Variants in C1QTNF6 observed in about 807,000 individuals in gnomAD.
C1QTNF6 encodes complement C1q tumor necrosis factor-related protein 6.
C1QTNF6 carries 17 observed loss-of-function variants against 20.7 expected under a neutral mutation model. The ratio of observed to expected loss-of-function variants is 0.82; its 90% CI spans 0.56 to 1.23. The LOEUF is 1.23. Ranked by LOEUF, C1QTNF6 falls within the 50% of genes most tolerant of loss-of-function variation. The pLI is 0.00. For synonymous variants in C1QTNF6, 130 were observed against 156.3 expected, an observed-to-expected ratio of 0.83 and a Z score of 1.25; for missense variants, 329 against 389.7, an observed-to-expected ratio of 0.84 and a Z score of 1.31.
intron 1 of C1QTNF6, among the ~76,000 whole-genome samples, chr22:37,187,573 T>A (rs1220545963): frequency 1.4e-5 from 2 of 147,278 alleles, no homozygotes; most frequent in Non-Finnish European, 3.0e-5. Context: ...ATAAAAGACT[T>A]AAAAAAAAAA....
chr22:37,198,729 G>A (rs1319388585), upstream of C1QTNF6, among the ~76,000 whole-genome samples: 1 of 150,660 alleles, frequency 6.6e-6, no homozygotes, highest in African/African-American at 2.5e-5. Context: ...CGTCCCCTCA[G>A]GGAACTTTGG....
chr22:37,198,886 CAGGG>C (rs1925314602), upstream of C1QTNF6, among the ~76,000 whole-genome samples: 1 of 152,222 alleles, frequency 6.6e-6, no homozygotes, highest in African/African-American at 2.4e-5. Context: ...TTGAACCGCC[CAGGG>C]GCCGGGGAAA....
intron 1 of C1QTNF6, 82 bp downstream of exon 1, chr22:37,188,081 G>A: frequency 1.4e-6 from 2 of 1,444,408 alleles, no homozygotes; most frequent in Non-Finnish European, 9.5e-7. Context: ...GGCCCGAGAT[G>A]CTTCCAGGAA....
Position 37,184,463 on chromosome 22 carries a change from C to G in C1QTNF6, c.289+755G>C. ...CTATTGAGAGAGCGGGTAGCCAGCC[C>G]GCACCTGGACGGCCCTCACCTGGAT... On this transcript the variant is annotated intron_variant, in intron 2 of 2. Transcript: ENST00000337843. This position sits in a 1 kb window ranked among gnomAD's most constrained non-coding sequence, Gnocchi z 4.0. The G allele has an allele frequency of 1.4e-6, 1 of 716,388 alleles. No homozygotes were observed. The highest frequency in any genetic ancestry group is 2.6e-6 in the Non-Finnish European group (1 of 384,920). The allele number at this position is 716,388 out of a possible 1,614,324, so 44.4% of individuals were successfully genotyped here. A position where few individuals can be genotyped will look rare whatever the true frequency, so the allele number is the denominator to read the frequency against.
intron 2 of C1QTNF6, among the ~76,000 whole-genome samples, chr22:37,193,912 G>T (rs1234048508): frequency 6.6e-6 from 1 of 152,232 alleles, no homozygotes; most frequent in Non-Finnish European, 1.5e-5. Flanking sequence ...TGGGTCCCCA[G>T]TGTGAAGAGA....
intron 1 of C1QTNF6, among the ~76,000 whole-genome samples, chr22:37,187,580 A>G (rs1924471981): frequency 6.6e-6 from 1 of 152,082 alleles, no homozygotes; most frequent in African/African-American, 2.4e-5. Context: ...ACTTAAAAAA[A>G]AAAAAAAAAG....
chr22:37,188,234 A>T lies in C1QTNF6; in HGVS notation c.-21T>A. The T allele has an allele frequency of 2.6e-6, 4 of 1,566,414 alleles. No individual in the cohort carries two copies. Among genetic ancestry groups the T allele is most frequent in the Middle Eastern group, 1.8e-4 (1 of 5,698 alleles). Reference sequence around the variant, plus strand: ...TGCATGGCCTCTGGCTCCTTGGCCCATGTCTGCAATACTAACTTGTTGCTG... The same window carrying T: ...TGCATGGCCTCTGGCTCCTTGGCCCTTGTCTGCAATACTAACTTGTTGCTG... On this transcript the variant is annotated 5_prime_UTR_variant, in exon 1 of 3. It removes an upstream start codon present in the reference 5' UTR. Transcript: ENST00000337843.
At chr22:37,188,306 A>AGGGAGAGAGGAGGGGATGGT, upstream of C1QTNF6, 3 of 790,242 alleles carry the variant, frequency 3.8e-6, no homozygotes, top group Non-Finnish European at 5.3e-6. Context: ...GAGGGGATGG[A>AGGGAGAGAGGAGGGGATGGT]GGGAGAGAGG....
intron 1 of C1QTNF6, chr22:37,185,699 A>T: frequency 1.7e-6 from 2 of 1,204,230 alleles, no homozygotes. Flanking sequence ...CACCCAGTCC[A>T]TGGAGGCTTC....
In C1QTNF6 at chr22:37,182,612, G is replaced by A. The variant is rs17812699; in HGVS notation, c.413C>T (p.Pro138Leu). The A allele has an allele frequency of 0.082, 132,185 of 1,613,624 alleles. 7,934 individuals carry two copies. The highest frequency in any genetic ancestry group is 0.29 in the Admixed American group (17,390 of 60,010). The change falls in exon 3 of 3, where the codon CCG becomes CTG. Residue 138 changes from proline to leucine, a missense_variant. Physicochemically the swap from Pro to Leu is moderately conservative, Grantham distance 98 (BLOSUM62 -3). Coordinates refer to ENST00000337843, the MANE Select transcript of C1QTNF6 (RefSeq NM_031910.4). Reference protein sequence around the residue: ...DKGEMGSPGAPCQKRFFAFSV... With the variant: ...DKGEMGSPGALCQKRFFAFSV... The stretch of plus-strand genomic sequence containing the variant: ...GAAGGCGAAGAAGCGCTTCTGGCAC[G>A]GGGCGCCGGGGCTGCCCATCTCCCC...
At chr22:37,191,469 T>C (rs1271393932), upstream of C1QTNF6, among the ~76,000 whole-genome samples, 1 of 152,182 alleles carries the variant, frequency 6.6e-6, no homozygotes, top group Non-Finnish European at 1.5e-5. Context: ...TATGTCATTT[T>C]TGGACTTTAG....
chr22:37,184,530 T>G lies in C1QTNF6; in HGVS notation c.289+688A>C, dbSNP rs1420133643. ...GGCCCTCACCTGGACAGCCCTCACC[T>G]GGACAGCCCTCACCTGGATGGCCCT... On this transcript the variant is annotated intron_variant, in intron 2 of 2. Transcript: ENST00000337843. This position sits in a 1 kb window ranked among gnomAD's most constrained non-coding sequence, Gnocchi z 4.0. 1 of 707,500 alleles carries G rather than the reference T, an allele frequency of 1.4e-6. No individual in the cohort carries two copies. Among genetic ancestry groups the G allele is most frequent in the Non-Finnish European group, 2.6e-6 (1 of 381,236 alleles). 43.8% of individuals were successfully genotyped at this position (707,500 alleles called of 1,614,324 possible).
Position 37,194,562 on chromosome 22 carries a change from C to T in C1QTNF6, n.224+819G>A, listed in dbSNP as rs548806818. ...GCTTACTGTGCCATTGCTATGGGGG[C>T]CAAGACACGTTACAAAAGAAAATCG... On this transcript the variant is annotated intron_variant and non_coding_transcript_variant, in intron 2 of 4. Transcript: ENST00000467564. Among the ~76,000 whole-genome samples, 14 of 152,248 alleles carry T rather than the reference C, an allele frequency of 9.2e-5. No individual in the cohort carries two copies. In the South Asian group the frequency reaches 2.1e-3, roughly 23 times the overall value.
chr22:37,187,258 A>T (rs1924434145), intron 1 of C1QTNF6, among the ~76,000 whole-genome samples: 1 of 143,646 alleles, frequency 7.0e-6, no homozygotes. Context: ...TCAAATCCTC[A>T]GAGATCAACA....
At chr22:37,183,700 T>C (rs1167289761) in intron 2 of C1QTNF6, among the ~76,000 whole-genome samples, 1 of 152,158 alleles carries the variant, frequency 6.6e-6, no homozygotes, top group Non-Finnish European at 1.5e-5. Context: ...CCCAGAGAGC[T>C]GGGCAGGGCA....
chr22:37,180,216 G>A lies in C1QTNF6; in HGVS notation c.*1972C>T. ...TCATGCTGGACGGCAGGGCGTGGCG[G>A]GGTCAGGCAGGGGCAGGATCAGGCA... is the stretch of plus-strand genomic sequence containing the variant. On this transcript the variant is annotated 3_prime_UTR_variant, in exon 3 of 3. Coordinates refer to ENST00000337843, the MANE Select transcript of C1QTNF6 (RefSeq NM_031910.4). The A allele has an allele frequency of 6.5e-6, 1 of 153,004 alleles. No homozygotes were observed. The highest frequency in any genetic ancestry group is 1.5e-5 in the Non-Finnish European group (1 of 68,260). The allele number at this position is 153,004 out of a possible 1,614,324, so 9.5% of individuals were successfully genotyped here. A position where few individuals can be genotyped will look rare whatever the true frequency, so the allele number is the denominator to read the frequency against.
At chr22:37,198,869 C>T (rs914795350), upstream of C1QTNF6, among the ~76,000 whole-genome samples, 4 of 152,162 alleles carry the variant, frequency 2.6e-5, no homozygotes, top group Non-Finnish European at 4.4e-5. Context: ...CTACCGACTC[C>T]CCCACGTTGA....
In C1QTNF6 at chr22:37,182,739, T is replaced by A. The variant is rs1276102961; in HGVS notation, c.290-4A>T. The A allele has an allele frequency of 6.3e-7, 1 of 1,592,608 alleles. No homozygotes were observed. The highest frequency in any genetic ancestry group is 8.5e-7 in the Non-Finnish European group (1 of 1,171,272). The stretch of plus-strand genomic sequence containing the variant: ...GGGCCTGGGTCCCCTTTGTCACCTG[T>A]GGGGATAAAAAGGGGACAAGTCAGG... On this transcript the variant is annotated splice_polypyrimidine_tract_variant and splice_region_variant and intron_variant, in intron 2 of 2. Transcript: ENST00000337843.
chr22:37,192,879 T>C (rs545649213), upstream of C1QTNF6, among the ~76,000 whole-genome samples: 3 of 152,318 alleles, frequency 2.0e-5, no homozygotes, highest in Admixed American at 6.5e-5. Flanking sequence ...GGTGGAGCCC[T>C]TCAAGAAACA....
Sources: gnomAD v4.1 joint callset for allele counts (sites outside exome capture counted in the v4.1 genomes callset) on GRCh38, gnomAD v4.1.1 for gene constraint, Gnocchi (gnomAD v3.1) non-coding constraint, MANE v1.5 for transcripts, NCBI Gene and HGNC (gene_info 2026-07-23, HGNC 2026-07-21) for gene names.